Variants in ADRA1A observed in about 807,000 individuals in gnomAD.
ADRA1A encodes adrenoceptor alpha 1A.
In ADRA1A, 31 loss-of-function variants were observed where a neutral mutation model predicts 29.6. The observed-to-expected ratio is 1.05, with a 90% CI of 0.79 to 1.41. The LOEUF is 1.41. ADRA1A is among the 40% of genes most tolerant of loss of function. The pLI, the probability that ADRA1A is intolerant of heterozygous loss-of-function variation, is 0.00. For synonymous variants in ADRA1A, 311 were observed against 254.3 expected (o/e 1.22, Z -2.12); for missense variants, 619 against 601.1 (o/e 1.03, Z -0.31).
At chr8:26,776,861 A>G (rs1806583776) in intron 2 of ADRA1A, among the ~76,000 whole-genome samples, 1 of 152,248 alleles carries the variant, frequency 6.6e-6, no homozygotes. Context: ...TTACATGACC[A>G]TGGGAGAAAA....
intron 2 of ADRA1A, among the ~76,000 whole-genome samples, chr8:26,839,279 C>T (rs1385378353): frequency 1.3e-5 from 2 of 151,812 alleles, no homozygotes; most frequent in African/African-American, 4.8e-5. Flanking sequence ...CTGCCTCAGC[C>T]TCCTAAGTAG....
In ADRA1A at chr8:26,770,450, A is replaced by G. The variant is rs774870151; in HGVS notation, c.1100T>C (p.Val367Ala). The G allele has an allele frequency of 1.9e-6, 3 of 1,614,158 alleles. No homozygotes were observed. Among genetic ancestry groups the G allele is most frequent in the Non-Finnish European group, 2.5e-6 (3 of 1,180,016 alleles). ...GYTLHPPSQAVEGQHKDMVRI... is the reference protein window; with the variant it reads ...GYTLHPPSQAAEGQHKDMVRI... ...CACCATGTCCTTGTGTTGCCCTTCC[A>G]CGGCCTGGCTGGGCGGGTGCAGGGT... The change falls in exon 3 of 3, where the codon GTG becomes GCG. Residue 367 changes from valine to alanine, a missense_variant. By Grantham distance (64) the Val-to-Ala change is moderately conservative. Coordinates refer to ENST00000380573, the MANE Select transcript of ADRA1A (RefSeq NM_000680.4).
At position 26,825,396 on chromosome 8, in the gene ADRA1A, T is replaced by C. The variant is rs890545898; in HGVS notation, c.883+38691A>G. Among the ~76,000 whole-genome samples the C allele has an allele frequency of 2.9e-5, 4 of 136,402 alleles. No individual in the cohort carries two copies. Among genetic ancestry groups the C allele is most frequent in the Non-Finnish European group, 4.8e-5 (3 of 63,092 alleles). 89.5% of individuals were successfully genotyped at this position (136,402 alleles called of 152,430 possible). A position where few individuals can be genotyped will look rare whatever the true frequency, so the allele number is the denominator to read the frequency against. On this transcript the variant is annotated intron_variant, in intron 2 of 2. Transcript: ENST00000380573. The surrounding 1 kb of genome is among the most constrained non-coding windows in gnomAD (Gnocchi z 5.7). ...GTTGTTTGACAAAAAATGGGGAGGG[T>C]GGGTAGGGAGGAAGATGGAGTTTCT...
chr8:26,849,209 C>T (rs1231040581), intron 2 of ADRA1A, among the ~76,000 whole-genome samples: 6 of 152,206 alleles, frequency 3.9e-5, no homozygotes, highest in African/African-American at 1.4e-4. Flanking sequence ...TTCACATCAA[C>T]AAAAGACGGG....
rs527340 is a variant in ADRA1A, at chr8:26,833,039, C to A, written c.883+31048G>T. On this transcript the variant is annotated intron_variant, in intron 2 of 2. Transcript: ENST00000380573. ...CTGCAGCGCCCATTGCACGGGTGCA[C>A]GATCACATGTATGTATATTAGTAAA... Among the ~76,000 whole-genome samples, 5 of 152,124 alleles carry A rather than the reference C, an allele frequency of 3.3e-5. No homozygotes were observed. The East Asian group carries it at 9.7e-4, about 29-fold the overall frequency.
At chr8:26,853,587 A>G (rs975401046) in intron 2 of ADRA1A, 5 of 152,234 alleles carry the variant, frequency 3.3e-5, no homozygotes, top group African/African-American at 1.2e-4. Context: ...ATTCTTTTTA[A>G]TATAACAAAT....
At chr8:26,750,400 C>A (rs1292686129) in intron 2 of ADRA1A, among the ~76,000 whole-genome samples, 2 of 152,092 alleles carry the variant, frequency 1.3e-5, no homozygotes, top group Admixed American at 1.3e-4. Flanking sequence ...CAGGGTTTCA[C>A]CATGTTGCCC....
At chr8:26,842,940 G>A (rs1811939395) in intron 2 of ADRA1A, among the ~76,000 whole-genome samples, 1 of 150,914 alleles carries the variant, frequency 6.6e-6, no homozygotes, top group South Asian at 2.1e-4. Context: ...GCTCATGAAT[G>A]TGCTGTGTTC....
At chr8:26,855,358 G>A (rs552809742) in intron 2 of ADRA1A, among the ~76,000 whole-genome samples, 2 of 151,524 alleles carry the variant, frequency 1.3e-5, no homozygotes, top group South Asian at 4.2e-4. Context: ...GGCAACCCAG[G>A]ATTTGTGATA....
At chr8:26,817,133 A>G (rs1809826731) in intron 2 of ADRA1A, among the ~76,000 whole-genome samples, 1 of 152,240 alleles carries the variant, frequency 6.6e-6, no homozygotes, top group Non-Finnish European at 1.5e-5. Context: ...TACAAACCAT[A>G]TATCTGATAA....
intron 2 of ADRA1A, among the ~76,000 whole-genome samples, chr8:26,774,667 TAA>T (rs778840683): frequency 4.1e-4 from 54 of 131,038 alleles, no homozygotes; most frequent in Admixed American, 4.6e-4. Flanking sequence ...AACCCCTGTC[TAA>T]AAAAAAAAAA....
chr8:26,768,046 C>T (rs1805884547), downstream of ADRA1A, among the ~76,000 whole-genome samples: 1 of 152,104 alleles, frequency 6.6e-6, no homozygotes, highest in East Asian at 1.9e-4. Flanking sequence ...GAACACAAGG[C>T]TGAATATGTA....
chr8:26,819,508 G>T (rs186155610), intron 2 of ADRA1A, among the ~76,000 whole-genome samples: 103 of 152,210 alleles, frequency 6.8e-4, no homozygotes, highest in African/African-American at 2.5e-3. Context: ...AAATTAGAGG[G>T]TAAGTTTTTG....
In ADRA1A at chr8:26,810,471, G is replaced by C. The variant is rs542788902; in HGVS notation, c.884-39805C>G. On this transcript the variant is annotated intron_variant, in intron 2 of 2. Coordinates refer to ENST00000380573, the MANE Select transcript of ADRA1A (RefSeq NM_000680.4). ...GTGTGATAATGGAGAATAAAATGGA[G>C]AATTGTTCAAGGGTCTTAGTTGAAG... 7.9e-5 allele frequency among the ~76,000 whole-genome samples: 12 copies of C among 152,316 alleles called. No homozygotes were observed. In the South Asian group the frequency reaches 2.5e-3, roughly 32 times the overall value.
downstream of ADRA1A, among the ~76,000 whole-genome samples, chr8:26,763,051 A>C (rs1451238468): frequency 6.6e-6 from 1 of 152,170 alleles, no homozygotes. The surrounding 1 kb of genome is among the most constrained non-coding windows in gnomAD (Gnocchi z 4.5). Flanking sequence ...AAATAAGAAA[A>C]GAAGGAAGAA....
At chr8:26,839,244 C>T (rs1447996591) in intron 2 of ADRA1A, among the ~76,000 whole-genome samples, 2 of 151,312 alleles carry the variant, frequency 1.3e-5, no homozygotes, top group African/African-American at 2.4e-5. Flanking sequence ...CTGCAACCTC[C>T]GCCTCCCGGG....
At position 26,865,787 on chromosome 8, in the gene ADRA1A, G is replaced by A. The variant is rs1246659936; in HGVS notation, c.-686-132C>T. Reference sequence around the variant, plus strand: ...CTGCGGTCCAGAAGCTGCTTCGCCCGGCAGCGGTGGAGGCGACTTCGGAGC... The same window carrying A: ...CTGCGGTCCAGAAGCTGCTTCGCCCAGCAGCGGTGGAGGCGACTTCGGAGC... On this transcript the variant is annotated intron_variant, in intron 1 of 2. Coordinates refer to ENST00000380573, the MANE Select transcript of ADRA1A (RefSeq NM_000680.4). The surrounding 1 kb of genome is among the most constrained non-coding windows in gnomAD (Gnocchi z 7.6). The A allele has an allele frequency of 5.6e-6, 5 of 888,668 alleles. No individual in the cohort carries two copies. Among genetic ancestry groups the A allele is most frequent in the Non-Finnish European group, 6.7e-6 (5 of 741,954 alleles). The allele number at this position is 888,668 out of a possible 1,614,324, so 55.0% of individuals were successfully genotyped here.
chr8:26,842,031 C>T (rs1003448525), intron 2 of ADRA1A, among the ~76,000 whole-genome samples: 1 of 152,102 alleles, frequency 6.6e-6, no homozygotes, highest in Non-Finnish European at 1.5e-5. Context: ...CTTAGCTTTG[C>T]TATTTTCTAT....
At chr8:26,780,463 C>T (rs536931260) in intron 2 of ADRA1A, among the ~76,000 whole-genome samples, 1 of 152,300 alleles carries the variant, frequency 6.6e-6, no homozygotes, top group African/African-American at 2.4e-5. Context: ...CACTCAGTGA[C>T]CTCTCTCCCC....
Sources: gnomAD v4.1 joint callset for allele counts (sites outside exome capture counted in the v4.1 genomes callset) on GRCh38, gnomAD v4.1.1 for gene constraint, Gnocchi (gnomAD v3.1) non-coding constraint, MANE v1.5 for transcripts, NCBI Gene and HGNC (gene_info 2026-07-23, HGNC 2026-07-21) for gene names.